The following MYH16 variants were observed in gnomAD, a reference collection of about 807,000 sequenced individuals.
MYH16 encodes the protein myosin heavy chain 16, also known as putative uncharacterized protein MYH16.
chr7:99,254,983 A>C (rs1212887560), intron 8 of MYH16, among the ~76,000 whole-genome samples: 1 of 152,070 alleles, frequency 6.6e-6, no homozygotes, highest in Non-Finnish European at 1.5e-5. Context: ...AAAACTAAAA[A>C]AATGGCTGGG....
chr7:99,248,197 G>A (rs1791756547), intron 3 of MYH16, among the ~76,000 whole-genome samples: 1 of 152,080 alleles, frequency 6.6e-6, no homozygotes, highest in African/African-American at 2.4e-5. Flanking sequence ...CACCTCCCAG[G>A]TTCAGGCAAT....
At chr7:99,290,628 G>A (rs943296726) in intron 30 of MYH16, among the ~76,000 whole-genome samples, 2 of 151,646 alleles carry the variant, frequency 1.3e-5, no homozygotes, top group Admixed American at 6.6e-5. Flanking sequence ...GGTAAAACCC[G>A]GTCTCTACTA....
Position 99,273,429 on chromosome 7 carries a change from G to A in MYH16, n.2485+6G>A. On this transcript the variant is annotated splice_donor_region_variant and intron_variant and non_coding_transcript_variant, in intron 20 of 41. Coordinates refer to ENST00000439784, the Ensembl canonical transcript of MYH16. Reference sequence around the variant, plus strand: ...GGTGGAAGCTGTACAACAAGGTGAGGGCCGAGGGGCCAGGCCAGGGGGGAC... The same window carrying A: ...GGTGGAAGCTGTACAACAAGGTGAGAGCCGAGGGGCCAGGCCAGGGGGGAC... 1 of 456,746 alleles carries A rather than the reference G, an allele frequency of 2.2e-6. No homozygotes were observed. The highest frequency in any genetic ancestry group is 4.4e-6 in the Non-Finnish European group (1 of 226,998). 28.3% of individuals were successfully genotyped at this position (456,746 alleles called of 1,614,324 possible). A position where few individuals can be genotyped will look rare whatever the true frequency, so the allele number is the denominator to read the frequency against.
chr7:99,297,837 G>A (rs2150833753), intron 35 of MYH16, 41 bp downstream of exon 16: 1 of 456,694 alleles, frequency 2.2e-6, no homozygotes, highest in East Asian at 6.9e-5. Context: ...TGGACCCTTG[G>A]CCAGGCACTG....
At chr7:99,294,134 C>T (rs1357953992) in exon 33 of MYH16, 1 of 456,174 alleles carries the variant, frequency 2.2e-6, no homozygotes, top group Non-Finnish European at 4.4e-6. Context: ...GAGGACCTCA[C>T]CATCGACTTG....
chr7:99,289,512 C>T, intron 30 of MYH16, 108 bp downstream of exon 11: 1 of 195,656 alleles, frequency 5.1e-6, no homozygotes, highest in Non-Finnish European at 1.1e-5. Flanking sequence ...GTCCAAACCC[C>T]TTGTGATGAG....
chr7:99,274,481 A>G (rs557247992), intron 20 of MYH16, among the ~76,000 whole-genome samples: 1 of 152,272 alleles, frequency 6.6e-6, no homozygotes, highest in South Asian at 2.1e-4. Context: ...AACAATCAGC[A>G]CCCACCACAG....
At chr7:99,277,910 TGTGTGTGA>T (rs1330089049) in intron 21 of MYH16, among the ~76,000 whole-genome samples, 198 bp downstream of exon 3, 16 of 133,576 alleles carry the variant, frequency 1.2e-4, no homozygotes, top group Admixed American at 5.0e-4. Flanking sequence ...TGTGTGTGTG[TGTGTGTGA>T]GAGAGAGAGA....
intron 23 of MYH16, among the ~76,000 whole-genome samples, chr7:99,282,667 C>T (rs1305549785): frequency 6.6e-6 from 1 of 151,552 alleles, no homozygotes; most frequent in Admixed American, 6.6e-5. Context: ...GATGGAGCTT[C>T]GCACTCTCAC....
intron 32 of MYH16, among the ~76,000 whole-genome samples, chr7:99,293,035 C>G (rs532073452): frequency 3.6e-4 from 55 of 152,060 alleles, no homozygotes; most frequent in African/African-American, 1.3e-3. Flanking sequence ...CTGGGCCTCT[C>G]TCTGGTGTAA....
chr7:99,276,524 G>A (rs762478293), intron 20 of MYH16, among the ~76,000 whole-genome samples: 11 of 152,388 alleles, frequency 7.2e-5, no homozygotes, highest in East Asian at 3.9e-4. Flanking sequence ...GGAGCCTGGC[G>A]CTCCAGTGCA....
chr7:99,289,585 G>A (rs1174737007), intron 30 of MYH16, among the ~76,000 whole-genome samples, 181 bp downstream of exon 11: 1 of 152,154 alleles, frequency 6.6e-6, no homozygotes, highest in Non-Finnish European at 1.5e-5. Flanking sequence ...GCAAAACAGG[G>A]AACACAATTC....
exon 22 of MYH16, chr7:99,279,637 T>C (rs1279835354): frequency 2.2e-6 from 1 of 456,512 alleles, no homozygotes; most frequent in Non-Finnish European, 4.4e-6. Context: ...GCGGCCTCAC[T>C]GAGTGCCGCC....
chr7:99,249,131 A>C (rs1168853605), intron 4 of MYH16: 1 of 152,488 alleles, frequency 6.6e-6, no homozygotes, highest in Non-Finnish European at 1.5e-5. Flanking sequence ...CTCTGCAGGC[A>C]GTGAGTGGGC....
rs1317860292 is a variant in MYH16 at position 99,288,145 on chromosome 7, AC to A, written n.3706+10del. On this transcript the variant is annotated intron_variant and non_coding_transcript_variant, in intron 29 of 41. Coordinates refer to ENST00000439784, the Ensembl canonical transcript of MYH16. The stretch of plus-strand genomic sequence containing the variant: ...ACGATACAGAAGTCCAAGGTGAATA[AC>A]CTAACTGTGGGCCGGACGCAGTGGC... The A allele has an allele frequency of 6.6e-6, 3 of 455,864 alleles. No homozygotes were observed. Among genetic ancestry groups the A allele is most frequent in the African/African-American group, 2.0e-5 (1 of 50,026 alleles). The allele number at this position is 455,864 out of a possible 1,614,324, so 28.2% of individuals were successfully genotyped here.
chr7:99,263,492 C>G (rs1234299991), intron 14 of MYH16: 1 of 152,600 alleles, frequency 6.6e-6, no homozygotes, highest in Non-Finnish European at 1.5e-5. Context: ...GTCCAGTATC[C>G]CTGTGCTGAT....
intron 21 of MYH16, among the ~76,000 whole-genome samples, chr7:99,277,969 GA>G (rs1792142240): frequency 1.4e-5 from 2 of 148,048 alleles, no homozygotes; most frequent in African/African-American, 5.1e-5. Context: ...CAGACAGACA[GA>G]CAGACAGCGA....
Position 99,275,502 on chromosome 7 carries a change from A to G in MYH16, n.2486-2037A>G, listed in dbSNP as rs1193439292. On this transcript the variant is annotated intron_variant and non_coding_transcript_variant, in intron 20 of 41. Coordinates refer to ENST00000439784, the Ensembl canonical transcript of MYH16. Reference sequence around the variant, plus strand: ...GCAAATGTTACCCACAAAATTGTGGATTTGAGTTTTCATTTTTTAAATTGC... The same window carrying G: ...GCAAATGTTACCCACAAAATTGTGGGTTTGAGTTTTCATTTTTTAAATTGC... 3.3e-5 allele frequency among the ~76,000 whole-genome samples: 5 copies of G among 152,184 alleles called. No homozygotes were observed. The East Asian group carries it at 9.6e-4, about 29-fold the overall frequency.
chr7:99,276,985 G>A (rs1027439603), intron 20 of MYH16, among the ~76,000 whole-genome samples: 1 of 151,890 alleles, frequency 6.6e-6, no homozygotes, highest in African/African-American at 2.4e-5. Flanking sequence ...AAAAGAGAGA[G>A]CAGAGCAACA....
Sources: gnomAD v4.1 joint callset for allele counts (sites outside exome capture counted in the v4.1 genomes callset) on GRCh38, gnomAD v4.1.1 for gene constraint, MANE v1.5 for transcripts, NCBI Gene and HGNC (gene_info 2026-07-23, HGNC 2026-07-21) for gene names.